The following CLSTN3 variants were observed in gnomAD, a reference collection of about 807,000 sequenced individuals.
The protein encoded by CLSTN3 is calsyntenin 3, also known as calsyntenin-3.
Under a neutral mutation model 95.9 loss-of-function variants are expected in CLSTN3, and 36 were observed. That is an observed-to-expected ratio of 0.38 (90% CI 0.29 to 0.50). CLSTN3 has a LOEUF of 0.50. CLSTN3 is among the 20% of genes least tolerant of loss of function. CLSTN3 has a pLI of 0.95. For missense variants in CLSTN3, 1,084 were observed against 1,268.8 expected (o/e 0.85, Z 2.21); for synonymous variants, 481 against 504.0 (o/e 0.95, Z 0.61).
chr12:7,143,122 T>A (rs750419220), intron 11 of CLSTN3, 41 bp from the exon 12 acceptor site: 1 of 1,602,110 alleles, frequency 6.2e-7, no homozygotes, highest in Non-Finnish European at 8.5e-7. Flanking sequence ...CTCTGCCACC[T>A]CCTGGCCCTG....
At chr12:7,143,120 C>A in intron 11 of CLSTN3, 43 bp from the exon 12 acceptor site, 1 of 1,602,578 alleles carries the variant, frequency 6.2e-7, no homozygotes, top group Non-Finnish European at 8.5e-7. Context: ...TCCTCTGCCA[C>A]CTCCTGGCCC....
At position 7,142,909 on chromosome 12, in the gene CLSTN3, G is replaced by A. The variant is rs1380229698; in HGVS notation, c.1581G>A (p.Leu527=). Residue 527 remains leucine, a synonymous_variant, in exon 11 of 18, where the codon CTG becomes CTA. Coordinates refer to ENST00000266546, the MANE Select transcript of CLSTN3 (RefSeq NM_014718.4). ...TCCACCACTACTTCCATGGCTACCTGGCTGGTTTCAGCGTGCGCTCAGGTC... is the reference window on the plus strand; with the variant it reads ...TCCACCACTACTTCCATGGCTACCTAGCTGGTTTCAGCGTGCGCTCAGGTC... ...LSIHHYFHGY[L]AGFSVRSGRL... 6.2e-7 allele frequency: 1 copy of A among 1,614,048 alleles called. No individual in the cohort carries two copies. Among genetic ancestry groups the A allele is most frequent in the Admixed American group, 1.7e-5 (1 of 60,022 alleles).
At chr12:7,139,160 G>A (rs757319870) in intron 8 of CLSTN3, among the ~76,000 whole-genome samples, 1 of 152,278 alleles carries the variant, frequency 6.6e-6, no homozygotes, top group Admixed American at 6.5e-5. Flanking sequence ...TTTCAGTTGG[G>A]GAGATAAAGT....
At chr12:7,129,339 A>G, upstream of CLSTN3, 1 of 176,890 alleles carries the variant, frequency 5.7e-6, no homozygotes, top group Non-Finnish European at 1.2e-5. This position sits in a 1 kb window ranked among gnomAD's most constrained non-coding sequence, Gnocchi z 5.5. Flanking sequence ...GCCAGCTGCC[A>G]CCATGAAGAG....
chr12:7,130,381 A>T lies in CLSTN3; in HGVS notation c.-268A>T. On this transcript the variant is annotated 5_prime_UTR_variant, in exon 1 of 18. Coordinates refer to ENST00000266546, the MANE Select transcript of CLSTN3 (RefSeq NM_014718.4). ...GGCTGTGCTGACGTCATCCTGCAGT[A>T]GCGGGGTTGGGGTGGGAGTGAGAGA... 7.3e-7 allele frequency: 1 copy of T among 1,374,358 alleles called. No individual in the cohort carries two copies. The highest frequency in any genetic ancestry group is 9.4e-7 in the Non-Finnish European group (1 of 1,061,238). 85.1% of individuals were successfully genotyped at this position (1,374,358 alleles called of 1,614,324 possible). A position where few individuals can be genotyped will look rare whatever the true frequency, so the allele number is the denominator to read the frequency against.
rs1293252340 is a variant in CLSTN3, at chr12:7,151,055, G to C, written c.2519G>C (p.Arg840Thr). The C allele has an allele frequency of 1.2e-6, 2 of 1,600,680 alleles. No homozygotes were observed. Among genetic ancestry groups the C allele is most frequent in the Non-Finnish European group, 8.5e-7 (1 of 1,173,058 alleles). The change falls in exon 16 of 18, where the codon AGA becomes ACA. Residue 840 changes from arginine (R) to threonine (T), a missense_variant. Arg to Thr is a moderately conservative substitution (Grantham distance 71). Coordinates refer to ENST00000266546, the MANE Select transcript of CLSTN3 (RefSeq NM_014718.4). ...GGACACAGCCTAGCCAGCTCCCACA[G>C]AAACTCCAGTACGTAAGCCTGGTGG... ...MAGHSLASSHRNSMIPSAATL... is the reference protein window; with the variant it reads ...MAGHSLASSHTNSMIPSAATL...
rs1414265375 is a variant in CLSTN3 at position 7,130,601 on chromosome 12, C to T, written c.-48C>T. 3 of 1,550,970 alleles carry T rather than the reference C, an allele frequency of 1.9e-6. No homozygotes were observed. The highest frequency in any genetic ancestry group is 2.6e-6 in the Non-Finnish European group (3 of 1,147,506). ...CAAGGTGGAATCCGCAGGCTGGAGG[C>T]TCCCAGGGGAGGCAAACGCCTGGCC... is the stretch of plus-strand genomic sequence containing the variant. On this transcript the variant is annotated 5_prime_UTR_variant, in exon 1 of 18. Coordinates refer to ENST00000266546, the MANE Select transcript of CLSTN3 (RefSeq NM_014718.4).
Position 7,158,243 on chromosome 12 carries a change from C to T in CLSTN3, c.*162C>T, listed in dbSNP as rs765483922. 12 of 792,234 alleles carry T rather than the reference C, an allele frequency of 1.5e-5. No individual in the cohort carries two copies. Among genetic ancestry groups the T allele is most frequent in the South Asian group, 4.5e-5 (2 of 44,940 alleles). The allele number at this position is 792,234 out of a possible 1,614,324, so 49.1% of individuals were successfully genotyped here. On this transcript the variant is annotated 3_prime_UTR_variant, in exon 18 of 18. Transcript: ENST00000266546. ...AAACCCCAGCGGGCCCTCTGGAGTC[C>T]GCCCTGCCCCTCCCCCGGCCCCCCA...
intron 16 of CLSTN3, chr12:7,156,034 G>C: frequency 2.8e-6 from 1 of 355,228 alleles, no homozygotes; most frequent in Non-Finnish European, 5.6e-6. Context: ...CAGGCTGTAG[G>C]TAATTTGCGG....
chr12:7,149,063 G>C lies in CLSTN3; in HGVS notation c.1939G>C (p.Gly647Arg). The C allele has an allele frequency of 6.2e-7, 1 of 1,614,222 alleles. No individual in the cohort carries two copies. Among genetic ancestry groups the C allele is most frequent in the Non-Finnish European group, 8.5e-7 (1 of 1,180,024 alleles). Residue 647 changes from glycine to arginine, a missense_variant, in exon 13 of 18, where the codon GGC becomes CGC. Physicochemically the swap from Gly to Arg is moderately radical, Grantham distance 125. Transcript: ENST00000266546. This position sits in a 1 kb window ranked among gnomAD's most constrained non-coding sequence, Gnocchi z 4.5. Reference protein sequence around the residue: ...QPDAPQILLSGTAHFARPAVD... With the variant: ...QPDAPQILLSRTAHFARPAVD... ...TGACGCCCCCCAGATCCTGCTGAGT[G>C]GCACTGCTCATTTTGCCCGCCCAGC...
In CLSTN3 at chr12:7,135,894, C is replaced by T. The variant is rs746559179; in HGVS notation, c.683C>T (p.Ala228Val). 3.1e-6 allele frequency: 5 copies of T among 1,614,116 alleles called. No individual in the cohort carries two copies. The highest frequency in any genetic ancestry group is 4.2e-6 in the Non-Finnish European group (5 of 1,179,972). ...GCTTATGACTGTGGGAAGAAGCGGG[C>T]AGCAGATGATGCTGAGGTGGAGATT... ...VTAYDCGKKR[A>V]ADDAEVEIQV... Residue 228 changes from alanine to valine, a missense_variant, in exon 5 of 18, where the codon GCA becomes GTA. Coordinates refer to ENST00000266546, the MANE Select transcript of CLSTN3 (RefSeq NM_014718.4).
At position 7,133,618 on chromosome 12, in the gene CLSTN3, A is replaced by G. The variant is rs1326031797; in HGVS notation, c.233A>G (p.Glu78Gly). 1 of 1,613,946 alleles carries G rather than the reference A, an allele frequency of 6.2e-7. No homozygotes were observed. Among genetic ancestry groups the G allele is most frequent in the South Asian group, 1.1e-5 (1 of 91,060 alleles). The change falls in exon 3 of 18, where the codon GAG becomes GGG. Residue 78 changes from glutamate (E) to glycine (G), a missense_variant. By Grantham distance (98) the Glu-to-Gly change is moderately conservative. Coordinates refer to ENST00000266546, the MANE Select transcript of CLSTN3 (RefSeq NM_014718.4). This position sits in a 1 kb window ranked among gnomAD's most constrained non-coding sequence, Gnocchi z 4.7. ...FRLHGSGVPF[E>G]AVILDKATGE... ...CTCCATGGGTCTGGGGTGCCCTTTG[A>G]GGCTGTGATCCTTGACAAGGCGACA...
chr12:7,130,766 C>T, intron 1 of CLSTN3, 54 bp downstream of exon 1: 2 of 529,786 alleles, frequency 3.8e-6, no homozygotes, highest in Middle Eastern at 6.1e-4. Context: ...CAGCGCCGTG[C>T]GGGGTGGGGG....
chr12:7,136,034 G>C (rs781536304), intron 5 of CLSTN3, 81 bp downstream of exon 5: 93 of 1,534,378 alleles, frequency 6.1e-5, no homozygotes, highest in Non-Finnish European at 6.5e-5. Flanking sequence ...ACAATCATGG[G>C]GGCCAGGCTA....
Position 7,137,005 on chromosome 12 carries a change from A to G in CLSTN3, c.1105A>G (p.Ser369Gly), listed in dbSNP as rs1257577975. The G allele has an allele frequency of 6.2e-7, 1 of 1,614,042 alleles. No individual in the cohort carries two copies. Among genetic ancestry groups the G allele is most frequent in the Non-Finnish European group, 8.5e-7 (1 of 1,180,032 alleles). Residue 369 changes from serine (S) to glycine (G), a missense_variant, in exon 7 of 18, where the codon AGC becomes GGC. Coordinates refer to ENST00000266546, the MANE Select transcript of CLSTN3 (RefSeq NM_014718.4). The surrounding 1 kb of genome is among the most constrained non-coding windows in gnomAD (Gnocchi z 4.4). ...TGGGCTGGGCTCTGGGCCCCAGGAC[A>G]GCCTCAGTGACCACTTCACCCTGTC... ...PSGLGSGPQD[S>G]LSDHFTLSFW...
chr12:7,136,059 T>C (rs2135797639), intron 5 of CLSTN3, 106 bp downstream of exon 5: 10 of 1,505,788 alleles, frequency 6.6e-6, no homozygotes, highest in Non-Finnish European at 8.9e-6. Flanking sequence ...TTGGATGATA[T>C]TGGGGCAGGC....
rs1038380129 is a variant in CLSTN3, at chr12:7,157,239, G to A, written c.2528-250G>A. Among the ~76,000 whole-genome samples, 1 of 152,138 alleles carries A rather than the reference G, an allele frequency of 6.6e-6. No individual in the cohort carries two copies. The highest frequency in any genetic ancestry group is 1.5e-5 in the Non-Finnish European group (1 of 68,020). On this transcript the variant is annotated intron_variant, in intron 16 of 17. Transcript: ENST00000266546. The surrounding 1 kb of genome is among the most constrained non-coding windows in gnomAD (Gnocchi z 5.9). Reference sequence around the variant, plus strand: ...TTTCCTCCTCTGCCCTTGCCTCTCTGTACACCTGCCTCCCTCTGTGTTTGT... The same window carrying A: ...TTTCCTCCTCTGCCCTTGCCTCTCTATACACCTGCCTCCCTCTGTGTTTGT...
At chr12:7,147,335 G>C (rs924780804) in intron 12 of CLSTN3, among the ~76,000 whole-genome samples, 10 of 135,980 alleles carry the variant, frequency 7.4e-5, no homozygotes, top group African/African-American at 2.7e-4. Flanking sequence ...GGAGGCAGAG[G>C]TTGCAGTGAG....
chr12:7,130,232 G>C (rs1011737142), upstream of CLSTN3: 3 of 339,322 alleles, frequency 8.8e-6, no homozygotes, highest in Admixed American at 1.5e-4. Flanking sequence ...GCAGCCAGGG[G>C]AAGGAGCCTT....
Sources: gnomAD v4.1 joint callset for allele counts (sites outside exome capture counted in the v4.1 genomes callset) on GRCh38, gnomAD v4.1.1 for gene constraint, Gnocchi (gnomAD v3.1) non-coding constraint, MANE v1.5 for transcripts, NCBI Gene and HGNC (gene_info 2026-07-23, HGNC 2026-07-21) for gene names.